INHA: variants seen among roughly 807,000 people sequenced by gnomAD.
The protein encoded by INHA is inhibin subunit alpha.
INHA carries 8 observed loss-of-function variants against 21.3 expected under a neutral mutation model. The observed-to-expected ratio is 0.38, with a 90% CI of 0.22 to 0.68. The LOEUF is 0.68. Ranked by LOEUF, INHA falls within the 30% of genes least tolerant of loss-of-function variation. The pLI, the probability that INHA is intolerant of heterozygous loss-of-function variation, is 0.53. For synonymous variants in INHA, 231 were observed against 207.5 expected (o/e 1.11, Z -0.97); for missense variants, 436 against 465.8 (o/e 0.94, Z 0.59).
chr2:219,572,341 G>A lies in INHA; in HGVS notation c.-34G>A. 6.2e-7 allele frequency: 1 copy of A among 1,613,244 alleles called. No homozygotes were observed. Among genetic ancestry groups the A allele is most frequent in the Non-Finnish European group, 8.5e-7 (1 of 1,180,000 alleles). The stretch of plus-strand genomic sequence containing the variant: ...CCTGGCAGAAGGGGCACGGGGCAGG[G>A]TGTGAGTTCCCCACTAGCAGGGCCA... On this transcript the variant is annotated 5_prime_UTR_variant, in exon 1 of 2. It adds an upstream start codon to the 5' untranslated region. Coordinates refer to ENST00000243786, the MANE Select transcript of INHA (RefSeq NM_002191.4).
Position 219,575,053 on chromosome 2 carries a change from G to C in INHA, c.628G>C (p.Glu210Gln). The change falls in exon 2 of 2, where the codon GAG (glutamate) becomes CAG (glutamine). Residue 210 changes from glutamate (E) to glutamine (Q), a missense_variant. Physicochemically the swap from Glu to Gln is conservative, Grantham distance 29. Coordinates refer to ENST00000243786, the MANE Select transcript of INHA (RefSeq NM_002191.4). The part of the protein sequence containing the change: ...CPLCTCSARP[E>Q]ATPFLVAHTR... ...CCTCTGTACCTGCTCAGCCCGGCCT[G>C]AGGCCACGCCCTTCCTGGTGGCCCA... is the stretch of plus-strand genomic sequence containing the variant. The C allele has an allele frequency of 6.2e-7, 1 of 1,613,566 alleles. No individual in the cohort carries two copies. Among genetic ancestry groups the C allele is most frequent in the South Asian group, 1.1e-5 (1 of 91,082 alleles).
chr2:219,572,515 C>T lies in INHA; in HGVS notation c.141C>T (p.Thr47=), dbSNP rs1400858941. Residue 47 remains threonine (T), a synonymous_variant, in exon 1 of 2, where the codon ACC becomes ACT. Coordinates refer to ENST00000243786, the MANE Select transcript of INHA (RefSeq NM_002191.4). ...FLDALGPPAV[T]REGGDPGVRR... ...ATGCCTTGGGGCCCCCCGCGGTGAC[C>T]AGGGAAGGTGGGGACCCTGGAGTCA... 6.2e-7 allele frequency: 1 copy of T among 1,606,536 alleles called. No homozygotes were observed. Among genetic ancestry groups the T allele is most frequent in the East Asian group, 2.2e-5 (1 of 44,464 alleles).
In INHA at chr2:219,572,505, C is replaced by A; in HGVS notation, c.131C>A (p.Pro44His). ...RALFLDALGP[P>H]AVTREGGDPG... ...CTGTTCTTGGATGCCTTGGGGCCCC[C>A]CGCGGTGACCAGGGAAGGTGGGGAC... Residue 44 changes from proline (P) to histidine (H), a missense_variant, in exon 1 of 2, where the codon CCC becomes CAC. By Grantham distance (77) the Pro-to-His change is moderately conservative (BLOSUM62 -2). Coordinates refer to ENST00000243786, the MANE Select transcript of INHA (RefSeq NM_002191.4). 1 of 1,609,782 alleles carries A rather than the reference C, an allele frequency of 6.2e-7. No individual in the cohort carries two copies. The highest frequency in any genetic ancestry group is 8.5e-7 in the Non-Finnish European group (1 of 1,178,020).
rs192760521 is a variant in INHA, at chr2:219,574,946, C to G, written c.521C>G (p.Pro174Arg). The G allele has an allele frequency of 1.2e-5, 19 of 1,614,042 alleles. No individual in the cohort carries two copies. The Admixed American group carries it at 3.0e-4, about 25-fold the overall frequency. The stretch of plus-strand genomic sequence containing the variant: ...CCCATGTCTTTGGGCCATGCTCCCC[C>G]TCACTGGGCCGTGCTGCACCTGGCC... ...AVPMSLGHAPPHWAVLHLATS... is the reference protein window; with the variant it reads ...AVPMSLGHAPRHWAVLHLATS... The change falls in exon 2 of 2, where the codon CCT becomes CGT. Residue 174 changes from proline to arginine, a missense_variant. Pro to Arg is a moderately radical substitution (Grantham distance 103). Coordinates refer to ENST00000243786, the MANE Select transcript of INHA (RefSeq NM_002191.4).
intron 1 of INHA, among the ~76,000 whole-genome samples, chr2:219,574,009 T>C (rs1281525641): frequency 1.4e-5 from 2 of 148,134 alleles, no homozygotes; most frequent in Non-Finnish European, 3.0e-5. Flanking sequence ...CTGGGTGTGA[T>C]GGCTCACGCC....
In INHA at chr2:219,575,051, C is replaced by A; in HGVS notation, c.626C>A (p.Pro209His). Residue 209 changes from proline to histidine, a missense_variant, in exon 2 of 2, where the codon CCT becomes CAT. Transcript: ENST00000243786. ...CCCCTCTGTACCTGCTCAGCCCGGC[C>A]TGAGGCCACGCCCTTCCTGGTGGCC... ...RCPLCTCSAR[P>H]EATPFLVAHT... The A allele has an allele frequency of 6.2e-7, 1 of 1,613,618 alleles. No homozygotes were observed. The highest frequency in any genetic ancestry group is 8.5e-7 in the Non-Finnish European group (1 of 1,180,038).
chr2:219,575,350 G>A lies in INHA; in HGVS notation c.925G>A (p.Gly309Arg), dbSNP rs1361672393. ...ACCAAACCTGTCCCTTCCAGTCCCT[G>A]GGGCTCCCCCTACCCCAGCCCAGCC... ...IPPNLSLPVP[G>R]APPTPAQPYS... Residue 309 changes from glycine (G) to arginine (R), a missense_variant, in exon 2 of 2, where the codon GGG becomes AGG. Transcript: ENST00000243786. 1.2e-6 allele frequency: 2 copies of A among 1,614,176 alleles called. No homozygotes were observed. The highest frequency in any genetic ancestry group is 1.7e-5 in the Admixed American group (1 of 60,022).
intron 1 of INHA, among the ~76,000 whole-genome samples, chr2:219,573,200 A>G (rs1423193154): frequency 2.0e-5 from 3 of 152,100 alleles, no homozygotes. Context: ...TCTCTTAGAG[A>G]GGACCCCTGC....
chr2:219,572,346 A>T lies in INHA; in HGVS notation c.-29A>T, dbSNP rs765146426. 1 of 1,613,278 alleles carries T rather than the reference A, an allele frequency of 6.2e-7. No individual in the cohort carries two copies. The highest frequency in any genetic ancestry group is 1.1e-5 in the South Asian group (1 of 90,994). ...CAGAAGGGGCACGGGGCAGGGTGTG[A>T]GTTCCCCACTAGCAGGGCCAGGTGA... On this transcript the variant is annotated 5_prime_UTR_variant, in exon 1 of 2. Coordinates refer to ENST00000243786, the MANE Select transcript of INHA (RefSeq NM_002191.4).
chr2:219,572,386 C>G lies in INHA; in HGVS notation c.12C>G (p.His4Gln), dbSNP rs1469029583. MVL[H>Q]LLLFLLLTPQ... ...GGGCCAGGTGAGCTATGGTGCTGCA[C>G]CTACTGCTCTTCTTGCTGCTGACCC... Residue 4 changes from histidine to glutamine, a missense_variant, in exon 1 of 2, where the codon CAC becomes CAG. His to Gln is a conservative substitution (Grantham distance 24, BLOSUM62 0). Coordinates refer to ENST00000243786, the MANE Select transcript of INHA (RefSeq NM_002191.4). 4 of 1,613,822 alleles carry G rather than the reference C, an allele frequency of 2.5e-6. No individual in the cohort carries two copies. In the South Asian group the frequency reaches 3.3e-5, roughly 13 times the overall value.
At chr2:219,574,623 C>T in intron 1 of INHA, 71 bp from the exon 2 acceptor site, 2 of 1,315,600 alleles carry the variant, frequency 1.5e-6, no homozygotes, top group Non-Finnish European at 2.1e-6. Flanking sequence ...CACATCCCTC[C>T]TGCTGAAGAG....
intron 1 of INHA, 135 bp downstream of exon 1, chr2:219,572,777 A>G (rs969002052): frequency 2.1e-6 from 2 of 959,516 alleles, no homozygotes; most frequent in Non-Finnish European, 3.2e-6. Flanking sequence ...GCCAGTTACT[A>G]AACTTCCTTA....
In INHA at chr2:219,575,275, C is replaced by G. The variant is rs750783756; in HGVS notation, c.850C>G (p.Pro284Ala). The G allele has an allele frequency of 3.1e-6, 5 of 1,614,206 alleles. No homozygotes were observed. The Admixed American group carries it at 8.3e-5, about 27-fold the overall frequency. Residue 284 changes from proline (P) to alanine (A), a missense_variant, in exon 2 of 2, where the codon CCC (proline) becomes GCC (alanine). Pro to Ala is a conservative substitution (Grantham distance 27). Coordinates refer to ENST00000243786, the MANE Select transcript of INHA (RefSeq NM_002191.4). ...CTGGGAACGGTGGATCGTGTACCCT[C>G]CCAGTTTCATCTTCCACTACTGTCA... ...LGWERWIVYP[P>A]SFIFHYCHGG... is the part of the protein sequence containing the mutation.
In INHA at chr2:219,575,376, C is replaced by T; in HGVS notation, c.951C>T (p.Pro317=). 6.2e-7 allele frequency: 1 copy of T among 1,614,166 alleles called. No homozygotes were observed. The highest frequency in any genetic ancestry group is 8.5e-7 in the Non-Finnish European group (1 of 1,180,018). The change falls in exon 2 of 2, where the codon CCC becomes CCT. Residue 317 remains proline (P), a synonymous_variant. Transcript: ENST00000243786. ...GGGCTCCCCCTACCCCAGCCCAGCC[C>T]TACTCCTTGCTGCCAGGGGCCCAGC... is the stretch of plus-strand genomic sequence containing the variant. ...VPGAPPTPAQ[P]YSLLPGAQPC...
intron 1 of INHA, among the ~76,000 whole-genome samples, chr2:219,573,981 A>AC (rs1031205356): frequency 1.3e-4 from 19 of 142,588 alleles, no homozygotes; most frequent in African/African-American, 4.5e-4. Context: ...CAAAAAAAAA[A>AC]AAAAAATGGT....
intron 1 of INHA, among the ~76,000 whole-genome samples, chr2:219,573,770 C>G (rs968176288): frequency 1.3e-5 from 2 of 151,878 alleles, no homozygotes; most frequent in Non-Finnish European, 2.9e-5. Flanking sequence ...GTCAAGAGAT[C>G]GAGACTATCC....
intron 1 of INHA, among the ~76,000 whole-genome samples, chr2:219,573,617 C>G (rs1005355260): frequency 7.1e-6 from 1 of 140,522 alleles, no homozygotes; most frequent in African/African-American, 2.7e-5. Context: ...GTAAACCTGT[C>G]TTTTAAAAAT....
chr2:219,574,278 CAAAA>C (rs1189604451), intron 1 of INHA, among the ~76,000 whole-genome samples: 3 of 65,960 alleles, frequency 4.5e-5, no homozygotes, highest in Admixed American at 3.5e-4. Flanking sequence ...GACTCTGTCT[CAAAA>C]AAAAAAAAAA....
rs1697502651 is a variant in INHA at position 219,575,391 on chromosome 2, AGGGGCCCAGCCCTGCTGTGCTGCT to A, written c.967_990del (p.Gly323_Ala330del). 6.2e-7 allele frequency: 1 copy of A among 1,613,948 alleles called. No individual in the cohort carries two copies. The highest frequency in any genetic ancestry group is 1.7e-5 in the Admixed American group (1 of 60,004). ...CAGCCCAGCCCTACTCCTTGCTGCC[AGGGGCCCAGCCCTGCTGTGCTGCT>A]CTCCCAGGGACCATGAGGCCCCTAC... On this transcript the variant is annotated inframe_deletion, in exon 2 of 2. Transcript: ENST00000243786.
Sources: gnomAD v4.1 joint callset for allele counts (sites outside exome capture counted in the v4.1 genomes callset) on GRCh38, gnomAD v4.1.1 for gene constraint, MANE v1.5 for transcripts, NCBI Gene and HGNC (gene_info 2026-07-23, HGNC 2026-07-21) for gene names.